The following CCDC73 variants were observed in gnomAD, a reference collection of about 807,000 sequenced individuals.
CCDC73 encodes coiled-coil domain containing 73.
CCDC73 carries 95 observed loss-of-function variants against 116.5 expected under a neutral mutation model. The ratio of observed to expected loss-of-function variants is 0.82; its 90% CI spans 0.69 to 0.97. The LOEUF is 0.97. CCDC73 is among the 50% of genes least tolerant of loss of function. The pLI is 0.00. For synonymous variants in CCDC73, 398 were observed against 401.3 expected (o/e 0.99, Z 0.10); for missense variants, 1,066 against 1,206.8 (o/e 0.88, Z 1.73).
At chr11:32,761,596 G>T (rs961438586) in intron 1 of CCDC73, among the ~76,000 whole-genome samples, 1 of 152,094 alleles carries the variant, frequency 6.6e-6, no homozygotes, top group African/African-American at 2.4e-5. Context: ...ATTTCCACCA[G>T]CATTTGCTGT....
chr11:32,610,017 C>A (rs1453342392), intron 17 of CCDC73, among the ~76,000 whole-genome samples: 1 of 151,326 alleles, frequency 6.6e-6, no homozygotes, highest in Non-Finnish European at 1.5e-5. Flanking sequence ...TCTCGATCTC[C>A]TGACCTCATG....
chr11:32,792,151 T>C (rs12285409), intron 1 of CCDC73, among the ~76,000 whole-genome samples: 42 of 152,092 alleles, frequency 2.8e-4, no homozygotes, highest in African/African-American at 1.0e-3. Flanking sequence ...CAAAGTGTGT[T>C]CCATTAATAA....
intron 17 of CCDC73, among the ~76,000 whole-genome samples, chr11:32,607,632 G>T (rs2133213837): frequency 6.9e-6 from 1 of 144,176 alleles, no homozygotes; most frequent in East Asian, 2.0e-4. Context: ...TTACCCAATT[G>T]GGCAAGGTTA....
At chr11:32,654,678 T>C (rs1022107708) in intron 10 of CCDC73, among the ~76,000 whole-genome samples, 166 bp downstream of exon 10, 1 of 152,240 alleles carries the variant, frequency 6.6e-6, no homozygotes, top group African/African-American at 2.4e-5. Context: ...CAAATCTTAT[T>C]GTCCTAAAGT....
intron 17 of CCDC73, among the ~76,000 whole-genome samples, chr11:32,607,124 G>A (rs1436212050): frequency 1.2e-4 from 12 of 103,506 alleles, no homozygotes; most frequent in Admixed American, 3.0e-4. Context: ...ACGGAGTCTC[G>A]CTCTGTCGCC....
At chr11:32,640,918 A>G (rs892549424) in intron 13 of CCDC73, among the ~76,000 whole-genome samples, 1 of 152,020 alleles carries the variant, frequency 6.6e-6, no homozygotes, top group Non-Finnish European at 1.5e-5. Context: ...TCAGGAGGCG[A>G]GGCAGGAGAA....
At chr11:32,741,607 T>G (rs1054772320) in intron 2 of CCDC73, among the ~76,000 whole-genome samples, 17 of 151,764 alleles carry the variant, frequency 1.1e-4, no homozygotes, top group African/African-American at 3.9e-4. Flanking sequence ...GGTAACAGAT[T>G]GTTGAGTCTT....
the CCDC73 span, among the ~76,000 whole-genome samples, chr11:32,802,666 G>A: frequency 6.6e-6 from 1 of 152,230 alleles, no homozygotes; most frequent in African/African-American, 2.4e-5. Flanking sequence ...TAAAGTGTGT[G>A]AACCACTCAC....
chr11:32,725,551 T>C (rs1158090718), intron 2 of CCDC73, among the ~76,000 whole-genome samples: 2 of 152,212 alleles, frequency 1.3e-5, no homozygotes, highest in Admixed American at 6.5e-5. Context: ...TTTTGCTATC[T>C]AACCCTTTAC....
In CCDC73 at chr11:32,678,206, G is replaced by A. The variant is rs533843567; in HGVS notation, c.430-2185C>T. Among the ~76,000 whole-genome samples the A allele has an allele frequency of 4.3e-4, 65 of 152,174 alleles. 1 individual carries two copies. The South Asian group carries it at 0.013, about 31-fold the overall frequency. On this transcript the variant is annotated intron_variant, in intron 7 of 17. Transcript: ENST00000335185. The stretch of plus-strand genomic sequence containing the variant: ...AGGCAGCAGAATCACTTGAACCCTG[G>A]GGGCAAAGGTTGCAGTGAGCTAAGA...
At chr11:32,823,657 G>A in the CCDC73 span, among the ~76,000 whole-genome samples, 1 of 151,148 alleles carries the variant, frequency 6.6e-6, no homozygotes, top group Non-Finnish European at 1.5e-5. Flanking sequence ...TCTGATAACA[G>A]AAAAATTCTG....
intron 14 of CCDC73, among the ~76,000 whole-genome samples, chr11:32,627,130 A>G (rs1289696707): frequency 6.6e-6 from 1 of 152,230 alleles, no homozygotes; most frequent in Non-Finnish European, 1.5e-5. Context: ...CAAGAAAAAA[A>G]CAAACAACCC....
intron 9 of CCDC73, among the ~76,000 whole-genome samples, chr11:32,660,954 T>C (rs1034826112): frequency 4.6e-5 from 7 of 152,218 alleles, no homozygotes; most frequent in African/African-American, 1.7e-4. Flanking sequence ...GGTGAAGTAA[T>C]GACTTAATAT....
At chr11:32,750,086 G>T (rs1850274100) in intron 2 of CCDC73, among the ~76,000 whole-genome samples, 1 of 151,994 alleles carries the variant, frequency 6.6e-6, no homozygotes, top group South Asian at 2.1e-4. Context: ...TGGCCAGCCT[G>T]GTCTCAAACT....
At chr11:32,746,714 G>A (rs1458900314) in intron 2 of CCDC73, among the ~76,000 whole-genome samples, 1 of 151,796 alleles carries the variant, frequency 6.6e-6, no homozygotes. Context: ...CAGCTTGATC[G>A]TATTGGCTAC....
At chr11:32,789,769 T>C (rs1443088324) in intron 1 of CCDC73, among the ~76,000 whole-genome samples, 1 of 152,078 alleles carries the variant, frequency 6.6e-6, no homozygotes, top group Non-Finnish European at 1.5e-5. Context: ...TGAGACCCTG[T>C]CTCAACAAAA....
At chr11:32,660,094 T>A (rs1459192872) in intron 9 of CCDC73, among the ~76,000 whole-genome samples, 2 of 152,122 alleles carry the variant, frequency 1.3e-5, no homozygotes, top group Non-Finnish European at 2.9e-5. Flanking sequence ...CAGCTAATGT[T>A]ATAAAAATTA....
intron 9 of CCDC73, among the ~76,000 whole-genome samples, chr11:32,670,114 A>G (rs1254235977): frequency 1.3e-5 from 2 of 152,318 alleles, no homozygotes; most frequent in East Asian, 3.9e-4. Flanking sequence ...ATGCACTAAG[A>G]TAAGTTTCAA....
At chr11:32,652,806 T>C (rs953223083) in intron 12 of CCDC73, among the ~76,000 whole-genome samples, 6 of 152,124 alleles carry the variant, frequency 3.9e-5, no homozygotes, top group African/African-American at 1.4e-4. Context: ...TTATTTTCAG[T>C]GTTGGATTGT....
Sources: allele counts gnomAD v4.1 joint callset (sites outside exome capture counted in the v4.1 genomes callset), GRCh38; gene constraint gnomAD v4.1.1; transcripts MANE v1.5; gene names NCBI Gene and HGNC (gene_info 2026-07-23, HGNC 2026-07-21).